The following CGNL1 variants were observed in gnomAD, a reference collection of about 807,000 sequenced individuals.
The protein encoded by CGNL1 is cingulin like 1, also known as cingulin-like protein 1.
A neutral mutation model predicts 141.2 loss-of-function variants in CGNL1; 132 were observed. The observed-to-expected ratio is 0.93, with a 90% CI of 0.81 to 1.08. The LOEUF (loss-of-function observed/expected upper bound fraction) is 1.08, where lower values mean the gene tolerates loss of function less well. Ranked by LOEUF, CGNL1 falls within the 50% of genes least tolerant of loss-of-function variation. The pLI, the probability that CGNL1 is intolerant of heterozygous loss-of-function variation, is 0.00. For synonymous variants in CGNL1, 690 were observed against 622.1 expected (o/e 1.11, Z -1.63); for missense variants, 1,870 against 1,588.6 (o/e 1.18, Z -3.01).
chr15:57,391,599 G>C (rs2062544135), intron 1 of CGNL1, among the ~76,000 whole-genome samples: 1 of 152,208 alleles, frequency 6.6e-6, no homozygotes, highest in African/African-American at 2.4e-5. Context: ...AAACTCAGTT[G>C]AAGGTGGTTT....
In CGNL1 at chr15:57,528,793, G is replaced by A. The variant is rs146425123; in HGVS notation, c.3179G>A (p.Ser1060Asn). The A allele has an allele frequency of 1.6e-4, 266 of 1,614,002 alleles. 1 individual carries two copies. The Middle Eastern group carries it at 2.5e-3, about 15-fold the overall frequency. The change falls in exon 13 of 19, where the codon AGC (serine) becomes AAC (asparagine). Residue 1060 changes from serine (S) to asparagine (N), a missense_variant. Physicochemically the swap from Ser to Asn is conservative, Grantham distance 46. Transcript: ENST00000281282. The stretch of plus-strand genomic sequence containing the variant: ...AAGAGTCACCTCAAAGATGACCGCA[G>A]CAGGCTGGTCAAGCAGATGGAGGTC... The part of the protein sequence containing the change: ...EAKSHLKDDR[S>N]RLVKQMEDKV...
intron 4 of CGNL1, 61 bp from the exon 5 acceptor site, chr15:57,451,439 A>T (rs752787797): frequency 1.7e-6 from 2 of 1,159,762 alleles, no homozygotes; most frequent in African/African-American, 3.1e-5. Flanking sequence ...TGGAGGGGGA[A>T]GATAATTAAA....
At chr15:57,505,276 T>C (rs1265498839) in intron 8 of CGNL1, among the ~76,000 whole-genome samples, 3 of 152,132 alleles carry the variant, frequency 2.0e-5, no homozygotes, top group African/African-American at 7.2e-5. Context: ...TTTCACACCA[T>C]TATCTTTCAT....
chr15:57,449,924 A>C (rs2063301485), intron 4 of CGNL1, among the ~76,000 whole-genome samples: 1 of 152,120 alleles, frequency 6.6e-6, no homozygotes, highest in Non-Finnish European at 1.5e-5. Flanking sequence ...TTAATATTCC[A>C]TTGTCTGATA....
chr15:57,508,491 T>C (rs1216017076), intron 8 of CGNL1, among the ~76,000 whole-genome samples: 1 of 152,238 alleles, frequency 6.6e-6, no homozygotes, highest in Non-Finnish European at 1.5e-5. Flanking sequence ...TCTTTTTTGA[T>C]TTTCTGATCT....
intron 14 of CGNL1, among the ~76,000 whole-genome samples, chr15:57,532,095 G>A (rs1359831200): frequency 6.6e-6 from 1 of 152,080 alleles, no homozygotes; most frequent in East Asian, 1.9e-4. Context: ...AAGAGTGAAG[G>A]GCTTTCTAAA....
intron 1 of CGNL1, among the ~76,000 whole-genome samples, chr15:57,395,106 G>C (rs757759283): frequency 6.6e-6 from 1 of 152,138 alleles, no homozygotes; most frequent in East Asian, 1.9e-4. Flanking sequence ...GTGAGACTCC[G>C]TCTCAAATAA....
chr15:57,543,106 A>G (rs2032653461), intron 14 of CGNL1, among the ~76,000 whole-genome samples: 1 of 152,190 alleles, frequency 6.6e-6, no homozygotes, highest in Non-Finnish European at 1.5e-5. Context: ...TACCAGGGCC[A>G]TGCTGCCTCT....
At chr15:57,515,727 T>C (rs1054703669) in intron 8 of CGNL1, among the ~76,000 whole-genome samples, 1 of 152,180 alleles carries the variant, frequency 6.6e-6, no homozygotes, top group African/African-American at 2.4e-5. Context: ...GTCATTCCTT[T>C]CTGTTGTGGA....
At chr15:57,469,025 C>T (rs1012084959) in intron 8 of CGNL1, among the ~76,000 whole-genome samples, 1 of 152,108 alleles carries the variant, frequency 6.6e-6, no homozygotes, top group Non-Finnish European at 1.5e-5. Context: ...TGTAAATTGC[C>T]CAGTCTTGGG....
At chr15:57,493,484 A>G (rs1238256349) in intron 8 of CGNL1, among the ~76,000 whole-genome samples, 1 of 152,226 alleles carries the variant, frequency 6.6e-6, no homozygotes, top group Non-Finnish European at 1.5e-5. Flanking sequence ...CCCAAGTACA[A>G]TATGGCAGAA....
intron 14 of CGNL1, among the ~76,000 whole-genome samples, chr15:57,536,622 C>T (rs150681666): frequency 1.6e-3 from 245 of 152,276 alleles, no homozygotes; most frequent in Non-Finnish European, 6.0e-4. Flanking sequence ...AAGTTGCTGG[C>T]GTTTGGTCTG....
chr15:57,477,380 A>C (rs1480266534), intron 8 of CGNL1: 2 of 152,198 alleles, frequency 1.3e-5, no homozygotes, highest in African/African-American at 4.8e-5. Flanking sequence ...GATGCTAGCA[A>C]ACTTCGTTGG....
At chr15:57,454,262 G>A (rs747379571) in intron 7 of CGNL1, among the ~76,000 whole-genome samples, 1 of 152,130 alleles carries the variant, frequency 6.6e-6, no homozygotes, top group South Asian at 2.1e-4. Context: ...AGTGTGGTTT[G>A]TAGGAATAGC....
chr15:57,395,125 AC>A (rs1259714284), intron 1 of CGNL1, among the ~76,000 whole-genome samples: 1 of 152,238 alleles, frequency 6.6e-6, no homozygotes, highest in African/African-American at 2.4e-5. Context: ...AAACAAACAA[AC>A]AAAAACCCCA....
At chr15:57,425,794 A>C (rs2062966714) in intron 1 of CGNL1, among the ~76,000 whole-genome samples, 1 of 152,026 alleles carries the variant, frequency 6.6e-6, no homozygotes, top group Admixed American at 6.6e-5. Context: ...TTGTACTGAC[A>C]AACCCTAAAA....
Position 57,453,705 on chromosome 15 carries a change from C to T in CGNL1, c.2077C>T (p.Arg693Trp), listed in dbSNP as rs34169027. The T allele has an allele frequency of 4.0e-5, 64 of 1,613,652 alleles. No individual in the cohort carries two copies. The highest frequency in any genetic ancestry group is 7.7e-5 in the South Asian group (7 of 91,020). The change falls in exon 7 of 19, where the codon CGG becomes TGG. Residue 693 changes from arginine (R) to tryptophan (W), a missense_variant. Arg to Trp is a moderately radical substitution (Grantham distance 101). Transcript: ENST00000281282. ...CAGGCTATTCCAGGTGAAGATGGAACGGGAGCAGCATCAGACTGAGATCAG... is the reference window on the plus strand; with the variant it reads ...CAGGCTATTCCAGGTGAAGATGGAATGGGAGCAGCATCAGACTGAGATCAG... Reference protein sequence around the residue: ...LEELFQVKMEREQHQTEIRDL... With the variant: ...LEELFQVKMEWEQHQTEIRDL...
intron 14 of CGNL1, among the ~76,000 whole-genome samples, chr15:57,532,136 C>T (rs1482132397): frequency 6.6e-6 from 1 of 152,148 alleles, no homozygotes. Context: ...AGCACCATTT[C>T]CAGGCTCTAG....
At chr15:57,407,563 C>T (rs2062737595) in intron 1 of CGNL1, among the ~76,000 whole-genome samples, 1 of 151,924 alleles carries the variant, frequency 6.6e-6, no homozygotes, top group African/African-American at 2.4e-5. Context: ...GTCCCAGCTA[C>T]TTGAGAGGCT....
Sources: allele counts gnomAD v4.1 joint callset (sites outside exome capture counted in the v4.1 genomes callset), GRCh38; gene constraint gnomAD v4.1.1; transcripts MANE v1.5; gene names NCBI Gene and HGNC (gene_info 2026-07-23, HGNC 2026-07-21).